The following EDARADD variants were observed in gnomAD, a reference collection of about 807,000 sequenced individuals.
EDARADD encodes the protein EDAR associated via death domain, also known as ectodysplasin-A receptor-associated adapter protein.
Under a neutral mutation model 25.6 loss-of-function variants are expected in EDARADD, and 20 were observed. That is an observed-to-expected ratio of 0.78 (90% confidence interval 0.55 to 1.14). The LOEUF (loss-of-function observed/expected upper bound fraction) is 1.14, where lower values mean the gene tolerates loss of function less well. EDARADD is among the 50% of genes most tolerant of loss of function. The probability of loss-of-function intolerance (pLI) is 0.00; values close to 1 mark genes in which losing one functional copy is unlikely to be tolerated. For missense variants in EDARADD, 225 were observed against 270.1 expected (o/e 0.83, Z 1.17); for synonymous variants, 86 against 94.4 (o/e 0.91, Z 0.52).
intron 3 of EDARADD, among the ~76,000 whole-genome samples, chr1:236,379,712 G>A (rs1667276067): frequency 6.6e-6 from 1 of 151,766 alleles, no homozygotes; most frequent in African/African-American, 2.4e-5. Context: ...CCCGGGGGGT[G>A]GAGGCTGCAG....
intron 3 of EDARADD, among the ~76,000 whole-genome samples, chr1:236,351,261 A>G (rs1279116230): frequency 1.3e-5 from 2 of 152,188 alleles, no homozygotes; most frequent in Non-Finnish European, 2.9e-5. Flanking sequence ...AACTATTTAC[A>G]TTAATTTTGC....
chr1:236,366,735 C>G (rs911969927), intron 3 of EDARADD, among the ~76,000 whole-genome samples: 1 of 109,646 alleles, frequency 9.1e-6, no homozygotes, highest in Non-Finnish European at 2.0e-5. Flanking sequence ...GAGAGCTCAT[C>G]TCTCTCTTTT....
chr1:236,412,470 T>C (rs1223499314), intron 2 of EDARADD, among the ~76,000 whole-genome samples: 1 of 152,206 alleles, frequency 6.6e-6, no homozygotes, highest in African/African-American at 2.4e-5. Context: ...GCATCCCACC[T>C]AAATCCCTTT....
chr1:236,381,121 T>C (rs1367267759), intron 3 of EDARADD, among the ~76,000 whole-genome samples: 1 of 152,200 alleles, frequency 6.6e-6, no homozygotes, highest in Non-Finnish European at 1.5e-5. Context: ...TCTGTTATTA[T>C]AAATTAGTTT....
intron 5 of EDARADD, 75 bp from the exon 6 acceptor site, chr1:236,482,192 A>G: frequency 6.4e-7 from 1 of 1,554,468 alleles, no homozygotes; most frequent in Non-Finnish European, 8.9e-7. Context: ...TCAGCAGGAA[A>G]ATAAAGGATG....
chr1:236,453,522 C>T (rs544650793), intron 4 of EDARADD, among the ~76,000 whole-genome samples: 59 of 152,240 alleles, frequency 3.9e-4, no homozygotes, highest in African/African-American at 1.3e-3. Context: ...GTGATCCACC[C>T]GCCTTGGCCT....
chr1:236,447,138 T>TTTCC (rs1350005177), intron 4 of EDARADD, among the ~76,000 whole-genome samples: 1 of 127,856 alleles, frequency 7.8e-6, no homozygotes, highest in East Asian at 2.0e-4. Flanking sequence ...TCTCTCTCTC[T>TTTCC]TTCCTTCCTT....
At chr1:236,435,109 T>A (rs1658205812) in intron 4 of EDARADD, among the ~76,000 whole-genome samples, 1 of 151,874 alleles carries the variant, frequency 6.6e-6, no homozygotes, top group South Asian at 2.1e-4. Context: ...CATTGGGAGG[T>A]TATAGTTGAA....
chr1:236,374,137 C>T (rs1667199706), intron 3 of EDARADD, among the ~76,000 whole-genome samples: 1 of 151,342 alleles, frequency 6.6e-6, no homozygotes, highest in South Asian at 2.1e-4. Flanking sequence ...GTGTGTTCTA[C>T]AGTTGTTAGA....
chr1:236,363,000 A>ATATATATATATATATAT (rs1158321993), intron 3 of EDARADD, among the ~76,000 whole-genome samples: 15 of 57,250 alleles, frequency 2.6e-4, no homozygotes, highest in Admixed American at 4.4e-4. Context: ...AAAAAAAAAA[A>ATATATATATATATATAT]AAAAAAATAT....
At position 236,400,738 on chromosome 1, in the gene EDARADD, T is replaced by G. The variant is rs112056901; in HGVS notation, c.61+6233T>G. 3.1e-3 allele frequency among the ~76,000 whole-genome samples: 434 copies of G among 141,886 alleles called. 3 individuals are homozygous for G. Among genetic ancestry groups the G allele is most frequent in the African/African-American group, 0.011 (410 of 37,802 alleles). The allele number at this position is 141,886 out of a possible 152,430, so 93.1% of individuals were successfully genotyped here. ...CCCGGCTATTTTTTTTTTTTTTTTT[T>G]GTATTTTTAGTAGAGATGGGGTCTC... On this transcript the variant is annotated intron_variant, in intron 1 of 5. Coordinates refer to ENST00000334232, the MANE Select transcript of EDARADD (RefSeq NM_145861.4).
At chr1:236,360,271 G>T (rs1460450846) in intron 3 of EDARADD, among the ~76,000 whole-genome samples, 2 of 152,048 alleles carry the variant, frequency 1.3e-5, no homozygotes, top group African/African-American at 4.8e-5. Context: ...AGTTAGCCAT[G>T]ATTGAGCCAT....
In EDARADD at chr1:236,395,596, C is replaced by T. The variant is rs142921113; in HGVS notation, c.61+1091C>T. 5.2e-3 allele frequency: 8,039 copies of T among 1,551,398 alleles called. 38 individuals carry two copies. The highest frequency in any genetic ancestry group is 8.8e-3 in the Middle Eastern group (52 of 5,876). ...CCGCGCCCCGGAGGCCTGCCAGCCC[C>T]GCTCGGACGCTCGTTTGCCCCTAAC... On this transcript the variant is annotated intron_variant, in intron 1 of 5. Transcript: ENST00000334232. This position sits in a 1 kb window ranked among gnomAD's most constrained non-coding sequence, Gnocchi z 6.9.
intron 4 of EDARADD, among the ~76,000 whole-genome samples, chr1:236,434,854 T>C (rs1159283197): frequency 6.6e-6 from 1 of 152,042 alleles, no homozygotes; most frequent in African/African-American, 2.4e-5. Flanking sequence ...TAAGGGGACT[T>C]GAAAGAAGAT....
In EDARADD at chr1:236,362,987, G is replaced by GAAA. The variant is rs577963160; in HGVS notation, c.-6+12166_-6+12168dup. Among the ~76,000 whole-genome samples the GAAA allele has an allele frequency of 7.5e-3, 221 of 29,544 alleles. 26 individuals are homozygous for GAAA. Among genetic ancestry groups the GAAA allele is most frequent in the African/African-American group, 0.011 (70 of 6,344 alleles). The allele number at this position is 29,544 out of a possible 152,430, so 19.4% of individuals were successfully genotyped here. On this transcript the variant is annotated intron_variant, in intron 3 of 7. Coordinates refer to the EDARADD transcript ENST00000439430. ...TCAAGACTCTGTCTTCTTTTTTTAA[G>GAAA]AAAAAAAAAAAAAAAAAAAATATAT...
At chr1:236,458,195 A>G (rs972457891) in intron 4 of EDARADD, among the ~76,000 whole-genome samples, 1 of 152,210 alleles carries the variant, frequency 6.6e-6, no homozygotes, top group Non-Finnish European at 1.5e-5. Flanking sequence ...ATCCTACAGA[A>G]CTCATTACAT....
intron 4 of EDARADD, among the ~76,000 whole-genome samples, chr1:236,453,278 CT>C (rs71672500): frequency 0.21 from 27,628 of 133,518 alleles, 2,271 homozygotes; most frequent in South Asian, 0.29. Context: ...TTCTTTTTTT[CT>C]TTTTTTTTTT....
At chr1:236,426,089 C>T (rs1364497871) in intron 3 of EDARADD, among the ~76,000 whole-genome samples, 1 of 152,022 alleles carries the variant, frequency 6.6e-6, no homozygotes, top group Non-Finnish European at 1.5e-5. Flanking sequence ...TCAAGTGATC[C>T]TCCTCTCTCA....
In EDARADD at chr1:236,394,518, T is replaced by G; in HGVS notation, c.61+13T>G. The G allele has an allele frequency of 1.9e-6, 3 of 1,610,954 alleles. No homozygotes were observed. Among genetic ancestry groups the G allele is most frequent in the Non-Finnish European group, 2.5e-6 (3 of 1,179,006 alleles). On this transcript the variant is annotated intron_variant, in intron 1 of 5. Coordinates refer to ENST00000334232, the MANE Select transcript of EDARADD (RefSeq NM_145861.4). ...GGTCACCAAGAGGGTATGTAGGCATTTGCTGTCTTCCTGGATTTCTCAGAG... is the reference window on the plus strand; with the variant it reads ...GGTCACCAAGAGGGTATGTAGGCATGTGCTGTCTTCCTGGATTTCTCAGAG...
Sources: allele counts gnomAD v4.1 joint callset (sites outside exome capture counted in the v4.1 genomes callset), GRCh38; gene constraint gnomAD v4.1.1; non-coding constraint Gnocchi (gnomAD v3.1); transcripts MANE v1.5; gene names NCBI Gene and HGNC (gene_info 2026-07-23, HGNC 2026-07-21).